The following TENM3 variants were observed in gnomAD, a reference collection of about 807,000 sequenced individuals.
TENM3 encodes teneurin transmembrane protein 3.
A neutral mutation model predicts 255.1 loss-of-function variants in TENM3; 63 were observed. The ratio of observed to expected loss-of-function variants is 0.25; its 90% confidence interval spans 0.20 to 0.30. The LOEUF is 0.30. TENM3 is among the 10% of genes least tolerant of loss of function. The probability of loss-of-function intolerance (pLI) is 1.00; values close to 1 mark genes in which losing one functional copy is unlikely to be tolerated. For synonymous variants in TENM3, 1,306 were observed against 1,322.3 expected (o/e 0.99, Z 0.27); for missense variants, 2,929 against 3,461.1 (o/e 0.85, Z 3.86).
chr4:181,489,787 A>G, the TENM3 span, among the ~76,000 whole-genome samples: 1 of 152,198 alleles, frequency 6.6e-6, no homozygotes, highest in African/African-American at 2.4e-5. Flanking sequence ...AGCTCATGGA[A>G]AATTGTATTT....
At chr4:182,257,022 G>A (rs866465792) in intron 1 of TENM3, among the ~76,000 whole-genome samples, 2 of 152,150 alleles carry the variant, frequency 1.3e-5, no homozygotes. Context: ...TATATTCAAG[G>A]TTTACTTGCA....
chr4:181,971,676 C>T, the TENM3 span, among the ~76,000 whole-genome samples: 1 of 152,066 alleles, frequency 6.6e-6, no homozygotes, highest in Non-Finnish European at 1.5e-5. Flanking sequence ...AAGCAATCCT[C>T]CCACCTCAGC....
At chr4:182,564,601 A>G (rs1398392884) in intron 3 of TENM3, among the ~76,000 whole-genome samples, 1 of 148,270 alleles carries the variant, frequency 6.7e-6, no homozygotes, top group Non-Finnish European at 1.5e-5. Flanking sequence ...TTTTTGGTCC[A>G]ATATCCCTGA....
At chr4:182,243,943 TTTC>T (rs1757464188) in intron 1 of TENM3, among the ~76,000 whole-genome samples, 2 of 145,934 alleles carry the variant, frequency 1.4e-5, no homozygotes, top group South Asian at 4.3e-4. Context: ...TCATTTGTGT[TTTC>T]TTTTTTTTTT....
At chr4:182,384,253 T>C (rs984385623) in intron 3 of TENM3, among the ~76,000 whole-genome samples, 1 of 152,132 alleles carries the variant, frequency 6.6e-6, no homozygotes, top group African/African-American at 2.4e-5. Context: ...AAGGAGTTCA[T>C]GTGTTTATAC....
chr4:182,793,131 C>T lies in TENM3; in HGVS notation c.6459C>T (p.Tyr2153=), dbSNP rs61732939. The T allele has an allele frequency of 8.6e-4, 1,385 of 1,613,926 alleles. 12 individuals carry two copies. The African/African-American group carries it at 0.016, about 19-fold the overall frequency. The change falls in exon 26 of 28, where the codon TAC becomes TAT. Residue 2153 remains tyrosine (Y), a synonymous_variant. Coordinates refer to ENST00000511685, the MANE Select transcript of TENM3 (RefSeq NM_001080477.4). This position sits in a 1 kb window ranked among gnomAD's most constrained non-coding sequence, Gnocchi z 5.7. ...LNEKIMWRYN[Y]DLNGNLHLLN... Reference sequence around the variant, plus strand: ...AAAAGATAATGTGGCGGTACAACTACGATCTGAATGGAAACCTCCATTTAC... The same window carrying T: ...AAAAGATAATGTGGCGGTACAACTATGATCTGAATGGAAACCTCCATTTAC...
chr4:181,829,478 C>T, the TENM3 span, among the ~76,000 whole-genome samples: 2 of 152,176 alleles, frequency 1.3e-5, no homozygotes, highest in Admixed American at 6.5e-5. Flanking sequence ...TGGTCCTGAA[C>T]TTCATATGTG....
At chr4:181,759,641 G>A in the TENM3 span, among the ~76,000 whole-genome samples, 135,121 of 151,938 alleles carry the variant, frequency 0.89, 60,214 homozygotes, top group East Asian at 0.94. Context: ...CATTTGATAA[G>A]TAAGGACTTT....
the TENM3 span, among the ~76,000 whole-genome samples, chr4:181,632,495 C>T: frequency 6.6e-6 from 1 of 152,156 alleles, no homozygotes; most frequent in Admixed American, 6.5e-5. Context: ...ATTAAGTAAA[C>T]CAGTTTTCGA....
the TENM3 span, among the ~76,000 whole-genome samples, chr4:181,920,104 G>A: frequency 1.3e-5 from 2 of 151,896 alleles, no homozygotes; most frequent in African/African-American, 2.4e-5. Context: ...TGGTGTATAT[G>A]TGCCACATTT....
chr4:181,594,521 T>C, the TENM3 span, among the ~76,000 whole-genome samples: 1 of 152,160 alleles, frequency 6.6e-6, no homozygotes, highest in African/African-American at 2.4e-5. Flanking sequence ...TGGTCACCCA[T>C]TCCAAGACTC....
chr4:181,714,374 T>C, the TENM3 span, among the ~76,000 whole-genome samples: 1 of 151,908 alleles, frequency 6.6e-6, no homozygotes, highest in Non-Finnish European at 1.5e-5. Flanking sequence ...GCCTGGGAGG[T>C]GGAGGCTGCA....
At chr4:181,702,900 A>G in the TENM3 span, among the ~76,000 whole-genome samples, 21 of 152,178 alleles carry the variant, frequency 1.4e-4, no homozygotes, top group Admixed American at 1.2e-3. Context: ...CTTACGTAAC[A>G]TATGAATTGT....
the TENM3 span, among the ~76,000 whole-genome samples, chr4:181,485,957 T>C: frequency 2.0e-5 from 3 of 152,158 alleles, no homozygotes; most frequent in African/African-American, 4.8e-5. Context: ...GTGAAAAATT[T>C]TAAGATGTGA....
At chr4:182,294,424 A>G (rs1761335908) in intron 1 of TENM3, among the ~76,000 whole-genome samples, 1 of 148,576 alleles carries the variant, frequency 6.7e-6, no homozygotes, top group South Asian at 2.1e-4. Flanking sequence ...TAAATCCCTA[A>G]ACAGACTTTT....
intron 17 of TENM3, among the ~76,000 whole-genome samples, chr4:182,737,438 T>C (rs1473865522): frequency 6.6e-6 from 1 of 152,222 alleles, no homozygotes; most frequent in Non-Finnish European, 1.5e-5. Flanking sequence ...CTTATTTGTT[T>C]TTGTTTTCTG....
At chr4:181,570,112 C>G in the TENM3 span, among the ~76,000 whole-genome samples, 2 of 143,996 alleles carry the variant, frequency 1.4e-5, no homozygotes, top group Non-Finnish European at 3.0e-5. Context: ...GTGGCACAAT[C>G]TCGGCTCACT....
chr4:181,946,926 T>C, the TENM3 span, among the ~76,000 whole-genome samples: 1 of 152,214 alleles, frequency 6.6e-6, no homozygotes, highest in Non-Finnish European at 1.5e-5. Flanking sequence ...TCTTTTATTC[T>C]TCCTCAGTGT....
chr4:182,180,836 A>G (rs1752796290), intron 1 of TENM3, among the ~76,000 whole-genome samples: 1 of 151,918 alleles, frequency 6.6e-6, no homozygotes, highest in Non-Finnish European at 1.5e-5. Flanking sequence ...AAACTACATT[A>G]ACTTTAATTT....
Sources: allele counts gnomAD v4.1 joint callset (sites outside exome capture counted in the v4.1 genomes callset), GRCh38; gene constraint gnomAD v4.1.1; non-coding constraint Gnocchi (gnomAD v3.1); transcripts MANE v1.5; gene names NCBI Gene and HGNC (gene_info 2026-07-23, HGNC 2026-07-21).